The following LPIN1 variants were observed in gnomAD, a reference collection of about 807,000 sequenced individuals.
LPIN1 encodes lipin 1, also known as phosphatidate phosphatase LPIN1.
A neutral mutation model predicts 107.5 loss-of-function variants in LPIN1; 71 were observed. The observed-to-expected ratio is 0.66, with a 90% CI of 0.55 to 0.80. The LOEUF (loss-of-function observed/expected upper bound fraction) is 0.80. Ranked by LOEUF, LPIN1 falls within the 30% of genes least tolerant of loss-of-function variation. LPIN1 has a pLI of 0.00. For missense variants in LPIN1, 1,043 were observed against 1,160.6 expected (o/e 0.90, Z 1.47); for synonymous variants, 445 against 452.6 (o/e 0.98, Z 0.21).
rs904505896 is a variant in LPIN1, at chr2:11,707,382, C to T, written c.82-6374C>T. Among the ~76,000 whole-genome samples, 1 of 152,104 alleles carries T rather than the reference C, an allele frequency of 6.6e-6. No individual in the cohort carries two copies. Among genetic ancestry groups the T allele is most frequent in the Non-Finnish European group, 1.5e-5 (1 of 68,032 alleles). On this transcript the variant is annotated intron_variant, in intron 1 of 21. Transcript: ENST00000449576. This position sits in a 1 kb window ranked among gnomAD's most constrained non-coding sequence, Gnocchi z 4.2. ...CAGTCTCTGAGGTGGAAGAAGCCAC[C>T]ATGGATGATGAAGAGGTGGCAGGAG... is the stretch of plus-strand genomic sequence containing the variant.
intron 1 of LPIN1, among the ~76,000 whole-genome samples, chr2:11,700,892 G>A (rs542170450): frequency 1.3e-5 from 2 of 152,304 alleles, no homozygotes; most frequent in Non-Finnish European, 2.9e-5. Context: ...CTCCCAGACA[G>A]CTCCTCTGCA....
At chr2:11,691,083 G>GTTTTTTTTTTTTTTTTTTTTTTTTTTTT (rs373579741) in intron 1 of LPIN1, among the ~76,000 whole-genome samples, 1 of 120,270 alleles carries the variant, frequency 8.3e-6, no homozygotes. Flanking sequence ...ATCTTGTTGT[G>GTTTTTTTTTTTTTTTTTTTTTTTTTTTT]GTTTTTTTTT....
upstream of LPIN1, chr2:11,721,480 C>G (rs997917021): frequency 3.3e-5 from 5 of 152,154 alleles, no homozygotes; most frequent in Admixed American, 2.0e-4. Context: ...TAGTAAGGGA[C>G]AGAGAACTAA....
chr2:11,725,505 A>G (rs1406297636), intron 1 of LPIN1, among the ~76,000 whole-genome samples: 1 of 152,164 alleles, frequency 6.6e-6, no homozygotes, highest in Non-Finnish European at 1.5e-5. Flanking sequence ...GAAGTAGGCG[A>G]CATCTGTCTC....
intron 14 of LPIN1, among the ~76,000 whole-genome samples, chr2:11,801,981 A>C (rs1366060240): frequency 6.6e-6 from 1 of 152,152 alleles, no homozygotes; most frequent in East Asian, 1.9e-4. Context: ...GTATACTCTA[A>C]CCTTGCCTAG....
At position 11,802,965 on chromosome 2, in the gene LPIN1, G is replaced by T; in HGVS notation, c.1945G>T (p.Ala649Ser). 8 of 1,613,374 alleles carry T rather than the reference G, an allele frequency of 5.0e-6. No homozygotes were observed. Among genetic ancestry groups the T allele is most frequent in the Non-Finnish European group, 6.8e-6 (8 of 1,180,030 alleles). The change falls in exon 15 of 21, where the codon GCA (alanine) becomes TCA (serine). Residue 649 changes from alanine (A) to serine (S), a missense_variant. By Grantham distance (99) the Ala-to-Ser change is moderately conservative. Transcript: ENST00000674199. ...EERAAAKPSN[A>S]GHLPLLPNVS... ...GCGCGCAGCTGCCAAGCCATCAAACGCAGGCCACCTCCCTCTTCTGCCTAA... is the reference window on the plus strand; with the variant it reads ...GCGCGCAGCTGCCAAGCCATCAAACTCAGGCCACCTCCCTCTTCTGCCTAA...
At chr2:11,805,314 C>A in intron 17 of LPIN1, 158 bp downstream of exon 17, 1 of 697,338 alleles carries the variant, frequency 1.4e-6, no homozygotes, top group Non-Finnish European at 2.6e-6. Context: ...GCAGTGGAGT[C>A]CAGAGTGAAA....
rs1406573722 is a variant in LPIN1 at position 11,771,108 on chromosome 2, A to G, written c.289-264A>G. On this transcript the variant is annotated intron_variant, in intron 3 of 20. Coordinates refer to ENST00000674199, the MANE Select transcript of LPIN1 (RefSeq NM_001349206.2). This position sits in a 1 kb window ranked among gnomAD's most constrained non-coding sequence, Gnocchi z 4.8. ...TTTTGGGGGCTTGAGATCACTGAGA[A>G]TTACCTCCCATTGTTAAAATTACAT... 1.3e-5 allele frequency among the ~76,000 whole-genome samples: 2 copies of G among 152,196 alleles called. No individual in the cohort carries two copies. Among genetic ancestry groups the G allele is most frequent in the Non-Finnish European group, 2.9e-5 (2 of 68,044 alleles).
At chr2:11,813,134 C>T (rs1037397128) in intron 17 of LPIN1, among the ~76,000 whole-genome samples, 3 of 152,014 alleles carry the variant, frequency 2.0e-5, no homozygotes, top group Non-Finnish European at 2.9e-5. Flanking sequence ...TTTTGGAGTG[C>T]GATGAGTACT....
chr2:11,789,757 A>G (rs1558921949), intron 12 of LPIN1, among the ~76,000 whole-genome samples: 1 of 151,654 alleles, frequency 6.6e-6, no homozygotes, highest in Admixed American at 6.6e-5. Flanking sequence ...ACACTTACAA[A>G]TCCGTAAGAA....
intron 18 of LPIN1, among the ~76,000 whole-genome samples, chr2:11,815,654 C>T (rs1405102075): frequency 1.3e-5 from 2 of 152,022 alleles, no homozygotes; most frequent in Admixed American, 1.3e-4. Flanking sequence ...GACAATGAGC[C>T]TCTATCTCAT....
At chr2:11,785,134 C>T in intron 10 of LPIN1, 58 bp downstream of exon 10, 1 of 1,342,860 alleles carries the variant, frequency 7.4e-7, no homozygotes, top group Non-Finnish European at 1.0e-6. Context: ...GGCGCAGAGG[C>T]TTAGGCTTCT....
chr2:11,685,817 T>C (rs1175007529), intron 1 of LPIN1, among the ~76,000 whole-genome samples: 1 of 152,238 alleles, frequency 6.6e-6, no homozygotes, highest in East Asian at 1.9e-4. Flanking sequence ...TTGGTCTTGT[T>C]TCTCGTTCCA....
At chr2:11,734,794 T>C (rs765913704) in intron 1 of LPIN1, among the ~76,000 whole-genome samples, 1 of 152,214 alleles carries the variant, frequency 6.6e-6, no homozygotes, top group Non-Finnish European at 1.5e-5. Context: ...AGAAAGAATT[T>C]ACAGTGACAT....
intron 1 of LPIN1, among the ~76,000 whole-genome samples, chr2:11,757,126 A>G (rs771193226): frequency 6.6e-6 from 1 of 152,336 alleles, no homozygotes; most frequent in Non-Finnish European, 1.5e-5. Context: ...ATTTCTTGCC[A>G]AATTTTGAGA....
Position 11,774,659 on chromosome 2 carries a change from C to T in LPIN1, c.722+914C>T, listed in dbSNP as rs1672375221. On this transcript the variant is annotated intron_variant, in intron 5 of 20. Transcript: ENST00000674199. This position sits in a 1 kb window ranked among gnomAD's most constrained non-coding sequence, Gnocchi z 4.4. ...AGCCCTTAGAAACTCTGGGTTCCTACCTGAAGCCGGTCTTATCAAAACGCC... is the reference window on the plus strand; with the variant it reads ...AGCCCTTAGAAACTCTGGGTTCCTATCTGAAGCCGGTCTTATCAAAACGCC... Among the ~76,000 whole-genome samples, 3 of 152,152 alleles carry T rather than the reference C, an allele frequency of 2.0e-5. No homozygotes were observed. The South Asian group carries it at 6.2e-4, about 32-fold the overall frequency.
rs565962323 is a variant in LPIN1, at chr2:11,759,557, A to C, written c.-9-5976A>C. 3.3e-5 allele frequency among the ~76,000 whole-genome samples: 5 copies of C among 152,334 alleles called. No homozygotes were observed. In the East Asian group the frequency reaches 7.7e-4, roughly 23 times the overall value. On this transcript the variant is annotated intron_variant, in intron 1 of 20. Coordinates refer to ENST00000674199, the MANE Select transcript of LPIN1 (RefSeq NM_001349206.2). ...AAGAATTTTTCTTAGTACAGAACAA[A>C]ATGGAGTCTCCTATGTCTACTTCTT... is the stretch of plus-strand genomic sequence containing the variant.
chr2:11,683,653 A>T (rs1661845708), intron 1 of LPIN1, among the ~76,000 whole-genome samples: 1 of 152,128 alleles, frequency 6.6e-6, no homozygotes, highest in Non-Finnish European at 1.5e-5. Flanking sequence ...CAGAGGAGAG[A>T]AGATGGGGCG....
At chr2:11,677,766 C>G (rs1291529073) in intron 1 of LPIN1, 1 of 1,483,336 alleles carries the variant, frequency 6.7e-7, no homozygotes, top group African/African-American at 1.4e-5. Flanking sequence ...AAACACAGCC[C>G]CTGCTCTTCC....
Sources: gnomAD v4.1 joint callset for allele counts (sites outside exome capture counted in the v4.1 genomes callset) on GRCh38, gnomAD v4.1.1 for gene constraint, Gnocchi (gnomAD v3.1) non-coding constraint, MANE v1.5 for transcripts, NCBI Gene and HGNC (gene_info 2026-07-23, HGNC 2026-07-21) for gene names.